Variants in CADM2 observed in about 807,000 individuals in gnomAD.
CADM2 encodes the protein cell adhesion molecule 2.
In CADM2, 12 loss-of-function variants were observed where a neutral mutation model predicts 49.8. The observed-to-expected ratio is 0.24, with a 90% CI of 0.15 to 0.39. The LOEUF is 0.39. Ranked by LOEUF, CADM2 falls within the 10% of genes least tolerant of loss-of-function variation. The pLI is 1.00. For synonymous variants in CADM2, 214 were observed against 175.4 expected (o/e 1.22, Z -1.74); for missense variants, 378 against 492.3 (o/e 0.77, Z 2.20).
chr3:85,918,206 G>A (rs1002685082), intron 6 of CADM2, among the ~76,000 whole-genome samples: 3 of 152,166 alleles, frequency 2.0e-5, no homozygotes, highest in Non-Finnish European at 4.4e-5. Context: ...TAGGGGTGGT[G>A]AGAGAAGGCA....
chr3:85,008,465 T>C (rs1410596457), intron 1 of CADM2, among the ~76,000 whole-genome samples: 1 of 152,056 alleles, frequency 6.6e-6, no homozygotes, highest in African/African-American at 2.4e-5. Context: ...AGTTAAACCA[T>C]AAACCATGGC....
chr3:85,194,885 A>C (rs183251525), intron 1 of CADM2, among the ~76,000 whole-genome samples: 1 of 152,168 alleles, frequency 6.6e-6, no homozygotes, highest in East Asian at 1.9e-4. Context: ...AAATCTTGAA[A>C]TAGAAGTAGT....
chr3:85,340,315 A>C (rs2045205851), intron 1 of CADM2, among the ~76,000 whole-genome samples: 1 of 151,608 alleles, frequency 6.6e-6, no homozygotes, highest in African/African-American at 2.4e-5. Context: ...GTTTAACAGG[A>C]AAATTTATAA....
intron 1 of CADM2, among the ~76,000 whole-genome samples, chr3:85,011,128 T>C (rs1442797492): frequency 6.6e-6 from 1 of 152,128 alleles, no homozygotes; most frequent in East Asian, 1.9e-4. Flanking sequence ...CCTCCCAAAG[T>C]GCTGGGATCA....
chr3:85,107,779 A>C (rs2038302087), intron 1 of CADM2, among the ~76,000 whole-genome samples: 1 of 144,820 alleles, frequency 6.9e-6, no homozygotes, highest in South Asian at 2.2e-4. Flanking sequence ...AGCTCACTGC[A>C]ACTTCTTGCC....
At chr3:85,715,156 A>G (rs1384169879) in intron 1 of CADM2, among the ~76,000 whole-genome samples, 1 of 152,194 alleles carries the variant, frequency 6.6e-6, no homozygotes, top group Non-Finnish European at 1.5e-5. Flanking sequence ...CTTATGACAC[A>G]TAATTTTTTA....
At chr3:85,707,085 G>A (rs2066972274) in intron 1 of CADM2, among the ~76,000 whole-genome samples, 1 of 152,010 alleles carries the variant, frequency 6.6e-6, no homozygotes, top group Admixed American at 6.6e-5. Flanking sequence ...TTCTGCTTCA[G>A]CCTCCCAAGT....
rs1559799260 is a variant in CADM2, at chr3:85,359,668, T to TATA, written c.62-366854_62-366853insATA. On this transcript the variant is annotated intron_variant, in intron 1 of 9. Coordinates refer to ENST00000383699, the MANE Select transcript of CADM2 (RefSeq NM_001167675.2). Reference sequence around the variant, plus strand: ...TATATATATATATATATATATATATTTTTTTTTTTGGTGGAGGGGAGAAGA... The same window carrying TATA: ...TATATATATATATATATATATATATTATATTTTTTTTTGGTGGAGGGGAGAAGA... Among the ~76,000 whole-genome samples the TATA allele has an allele frequency of 2.7e-4, 6 of 22,440 alleles. 1 individual carries two copies. Among genetic ancestry groups the TATA allele is most frequent in the Admixed American group, 1.1e-3 (2 of 1,844 alleles). The allele number at this position is 22,440 out of a possible 152,430, so 14.7% of individuals were successfully genotyped here. A position where few individuals can be genotyped will look rare whatever the true frequency, so the allele number is the denominator to read the frequency against.
At chr3:85,588,276 T>A (rs953824691) in intron 1 of CADM2, among the ~76,000 whole-genome samples, 1 of 152,062 alleles carries the variant, frequency 6.6e-6, no homozygotes, top group African/African-American at 2.4e-5. Context: ...TCTAAAATTC[T>A]GATGTTTTAA....
intron 1 of CADM2, among the ~76,000 whole-genome samples, chr3:85,543,420 A>ATGTGTGTGGGTGGGTGTGTGTG (rs372108050): frequency 2.3e-5 from 3 of 129,584 alleles, no homozygotes; most frequent in Non-Finnish European, 3.3e-5. Context: ...TGCCAAGCTA[A>ATGTGTGTGGGTGGGTGTGTGTG]TGTGTGTGTG....
chr3:85,259,313 G>A (rs1026900444), intron 1 of CADM2, among the ~76,000 whole-genome samples: 2 of 151,926 alleles, frequency 1.3e-5, no homozygotes, highest in Non-Finnish European at 2.9e-5. Flanking sequence ...CACTAAGTGA[G>A]TTTATTTTTT....
intron 1 of CADM2, among the ~76,000 whole-genome samples, chr3:85,459,029 A>G (rs1408628477): frequency 2.0e-5 from 3 of 152,210 alleles, no homozygotes; most frequent in African/African-American, 7.2e-5. Flanking sequence ...GCTTGATTAT[A>G]TAGTGTTATT....
At chr3:85,456,484 C>A (rs1322326834) in intron 1 of CADM2, among the ~76,000 whole-genome samples, 1 of 152,080 alleles carries the variant, frequency 6.6e-6, no homozygotes, top group East Asian at 1.9e-4. Context: ...ATATTCTGTG[C>A]AGTCTTAAGC....
intron 8 of CADM2, among the ~76,000 whole-genome samples, chr3:86,011,489 C>A (rs1256128461): frequency 6.6e-6 from 1 of 151,988 alleles, no homozygotes; most frequent in Non-Finnish European, 1.5e-5. Flanking sequence ...AAGGCCGTTG[C>A]CACAATTAGT....
At chr3:85,106,793 GT>G (rs758318566) in intron 1 of CADM2, among the ~76,000 whole-genome samples, 2 of 152,070 alleles carry the variant, frequency 1.3e-5, no homozygotes, top group African/African-American at 2.4e-5. Context: ...AGGCAAAAAT[GT>G]TCAGAAGAGA....
chr3:86,011,190 T>A (rs1731461284), intron 8 of CADM2, among the ~76,000 whole-genome samples: 1 of 152,048 alleles, frequency 6.6e-6, no homozygotes, highest in Non-Finnish European at 1.5e-5. Context: ...TCAATTTTAC[T>A]GAAATATTAA....
chr3:85,341,154 C>T (rs900496918), intron 1 of CADM2, among the ~76,000 whole-genome samples: 1 of 151,442 alleles, frequency 6.6e-6, no homozygotes, highest in African/African-American at 2.4e-5. Context: ...ATAAATCAAG[C>T]ATACGGAATA....
At chr3:86,058,834 C>T (rs1738291271) in intron 8 of CADM2, among the ~76,000 whole-genome samples, 1 of 151,740 alleles carries the variant, frequency 6.6e-6, no homozygotes, top group Non-Finnish European at 1.5e-5. Context: ...TGGCTCACAC[C>T]TGTAATCCTA....
intron 1 of CADM2, among the ~76,000 whole-genome samples, chr3:85,151,269 C>G (rs766465523): frequency 6.6e-6 from 1 of 151,898 alleles, no homozygotes; most frequent in Non-Finnish European, 1.5e-5. Flanking sequence ...CTAGCCTTTC[C>G]GTTCTACTGA....
Sources: gnomAD v4.1 joint callset for allele counts (sites outside exome capture counted in the v4.1 genomes callset) on GRCh38, gnomAD v4.1.1 for gene constraint, MANE v1.5 for transcripts, NCBI Gene and HGNC (gene_info 2026-07-23, HGNC 2026-07-21) for gene names.